SLC26A1: variants seen among roughly 807,000 people sequenced by gnomAD.
SLC26A1 encodes solute carrier family 26 member 1.
A neutral mutation model predicts 14.5 loss-of-function variants in SLC26A1; 18 were observed. The observed-to-expected ratio is 1.24, with a 90% CI of 0.86 to 1.84. The LOEUF is 1.84. Among genes scored for constraint, SLC26A1 ranks in the 40% most tolerant of loss-of-function variants. The pLI is 0.00. For missense variants in SLC26A1, 1,049 were observed against 1,020.0 expected (o/e 1.03, Z -0.39); for synonymous variants, 505 against 492.0 (o/e 1.03, Z -0.35).
At chr4:983,431 T>C (rs1243951480), downstream of SLC26A1, among the ~76,000 whole-genome samples, 1 of 152,260 alleles carries the variant, frequency 6.6e-6, no homozygotes, top group Non-Finnish European at 1.5e-5. Flanking sequence ...CTTGTTTGAC[T>C]GTATGTGGTC....
chr4:990,979 C>A, intron 2 of SLC26A1, 149 bp downstream of exon 2: 2 of 808,412 alleles, frequency 2.5e-6, no homozygotes, highest in Non-Finnish European at 3.7e-6. Context: ...GATGCCCCGG[C>A]ACGCCCCAGC....
In SLC26A1 at chr4:979,295, G is replaced by A; in HGVS notation, c.*111C>T. On this transcript the variant is annotated 3_prime_UTR_variant, in exon 3 of 3. Coordinates refer to the SLC26A1 transcript ENST00000398520. ...GTTGAGGGGCTGCCTTTTTTCCCCA[G>A]GTGCTGATCCAAGCCTCCCTCTGGA... 8.6e-6 allele frequency: 6 copies of A among 698,182 alleles called. No individual in the cohort carries two copies. The South Asian group carries it at 1.0e-4, about 12-fold the overall frequency. 43.2% of individuals were successfully genotyped at this position (698,182 alleles called of 1,614,324 possible). A position where few individuals can be genotyped will look rare whatever the true frequency, so the allele number is the denominator to read the frequency against.
rs1483597562 is a variant in SLC26A1 at position 990,338 on chromosome 4, C to T, written c.601G>A (p.Gly201Ser). 1 of 1,603,016 alleles carries T rather than the reference C, an allele frequency of 6.2e-7. No individual in the cohort carries two copies. The highest frequency in any genetic ancestry group is 8.5e-7 in the Non-Finnish European group (1 of 1,176,280). The change falls in exon 3 of 3, where the codon GGC becomes AGC. Residue 201 changes from glycine (G) to serine (S), a missense_variant. Coordinates refer to ENST00000398516, the MANE Select transcript of SLC26A1 (RefSeq NM_022042.4). Reference protein sequence around the residue: ...YQVLMGVLRLGFVSAYLSQPL... With the variant: ...YQVLMGVLRLSFVSAYLSQPL... ...TGTGAGAGGTAGGCGGACACGAAGC[C>T]CAGCCGGAGGACGCCCATGAGGACC...
intron 2 of SLC26A1, 183 bp downstream of exon 2, chr4:990,945 C>T (rs991235147): frequency 2.4e-5 from 15 of 618,088 alleles, no homozygotes; most frequent in Non-Finnish European, 2.7e-5. Context: ...TCCACAGCCT[C>T]TCCGCGTCGG....
chr4:990,595 C>G (rs1215189470), intron 2 of SLC26A1: 7 of 579,742 alleles, frequency 1.2e-5, no homozygotes, highest in Non-Finnish European at 2.2e-5. Flanking sequence ...GTGCACACAG[C>G]TGGCCATAGA....
chr4:986,878 C>A, downstream of SLC26A1: 1 of 659,020 alleles, frequency 1.5e-6, no homozygotes, highest in Non-Finnish European at 2.8e-6. Context: ...CCCTGAGGCC[C>A]GCAAGGAAGC....
rs763508634 is a variant in SLC26A1, at chr4:987,907, A to G, written c.*926T>C. 5.6e-6 allele frequency: 9 copies of G among 1,606,276 alleles called. No individual in the cohort carries two copies. In the South Asian group the frequency reaches 6.7e-5, roughly 12 times the overall value. On this transcript the variant is annotated 3_prime_UTR_variant, in exon 3 of 3. Transcript: ENST00000398516. ...GGCGCCGTCCCTCACCGCGGCATCA[A>G]GCAGGTCCGGACCCACTGGCTGCTG...
intron 1 of SLC26A1, chr4:991,993 C>A: frequency 1.4e-6 from 1 of 691,106 alleles, no homozygotes. Flanking sequence ...CTGAGGCCAG[C>A]AGTGCTGAGG....
At chr4:987,551 C>T, downstream of SLC26A1, 3 of 1,202,428 alleles carry the variant, frequency 2.5e-6, no homozygotes, top group Non-Finnish European at 3.4e-6. Flanking sequence ...TTCCTTCCAC[C>T]TAGAGCTGAG....
Position 988,802 on chromosome 4 carries a change from G to C in SLC26A1, c.*31C>G. Reference sequence around the variant, plus strand: ...ACGTCTGCTGTGGGTCCCCAGGAGGGAGCAGAGGCTGCTGGGCAGGCCTGG... The same window carrying C: ...ACGTCTGCTGTGGGTCCCCAGGAGGCAGCAGAGGCTGCTGGGCAGGCCTGG... On this transcript the variant is annotated 3_prime_UTR_variant, in exon 3 of 3. Coordinates refer to ENST00000398516, the MANE Select transcript of SLC26A1 (RefSeq NM_022042.4). 6.6e-7 allele frequency: 1 copy of C among 1,520,902 alleles called. No homozygotes were observed. Among genetic ancestry groups the C allele is most frequent in the Non-Finnish European group, 8.8e-7 (1 of 1,133,682 alleles). The allele number at this position is 1,520,902 out of a possible 1,614,324, so 94.2% of individuals were successfully genotyped here.
downstream of SLC26A1, chr4:987,268 C>A (rs1257223813): frequency 3.3e-6 from 5 of 1,511,934 alleles, no homozygotes; most frequent in Middle Eastern, 2.2e-4. Context: ...CCTCCGGGAC[C>A]CCCTGGCCGC....
At chr4:991,851 T>G in intron 1 of SLC26A1, 121 bp from the exon 2 acceptor site, 1 of 1,517,588 alleles carries the variant, frequency 6.6e-7, no homozygotes, top group Non-Finnish European at 8.8e-7. Flanking sequence ...CGGGGATTGG[T>G]GCTGGGCCTT....
Position 987,812 on chromosome 4 carries a change from C to A in SLC26A1, c.*1021G>T, listed in dbSNP as rs1378930636. On this transcript the variant is annotated 3_prime_UTR_variant, in exon 3 of 3. Transcript: ENST00000398516. ...GCCGCCCCTTTGTTGTCCCCAGCCC[C>A]CCGCTGCCACACAGCCAGGCTGACC... 2 of 1,612,298 alleles carry A rather than the reference C, an allele frequency of 1.2e-6. No individual in the cohort carries two copies. Among genetic ancestry groups the A allele is most frequent in the Non-Finnish European group, 1.7e-6 (2 of 1,179,870 alleles).
chr4:980,212 G>C (rs1457405706), intron 2 of SLC26A1, among the ~76,000 whole-genome samples: 2 of 152,316 alleles, frequency 1.3e-5, no homozygotes, highest in Admixed American at 1.3e-4. Context: ...GGCTTTGTGT[G>C]ACTGTGAGAA....
intron 2 of SLC26A1, 72 bp from the exon 3 acceptor site, chr4:990,434 G>A (rs1714196152): frequency 3.5e-6 from 5 of 1,411,062 alleles, no homozygotes; most frequent in Admixed American, 4.7e-5. Context: ...CACCTGGCAT[G>A]GCCCGAGGGG....
chr4:979,262 C>G, exon 3 of SLC26A1: 1 of 612,506 alleles, frequency 1.6e-6, no homozygotes, highest in African/African-American at 1.8e-5. Flanking sequence ...CCTCTGCAGG[C>G]TGGCCAGGTT....
At chr4:982,804 C>G (rs941703711), downstream of SLC26A1, among the ~76,000 whole-genome samples, 1 of 152,262 alleles carries the variant, frequency 6.6e-6, no homozygotes, top group Admixed American at 6.5e-5. Flanking sequence ...CCACACCTCA[C>G]TGAAATAAAC....
downstream of SLC26A1, chr4:987,130 T>C (rs1277306813): frequency 8.3e-6 from 12 of 1,438,082 alleles, no homozygotes; most frequent in Non-Finnish European, 1.1e-5. Context: ...GCTCCTGGCC[T>C]CGCTCCTGGC....
At chr4:990,736 A>G (rs1352755550) in intron 2 of SLC26A1, 7 of 389,830 alleles carry the variant, frequency 1.8e-5, no homozygotes, top group South Asian at 1.1e-4. Flanking sequence ...TGTGGAGCCA[A>G]CGGGGGCCAA....
Sources: gnomAD v4.1 joint callset for allele counts (sites outside exome capture counted in the v4.1 genomes callset) on GRCh38, gnomAD v4.1.1 for gene constraint, MANE v1.5 for transcripts, NCBI Gene and HGNC (gene_info 2026-07-23, HGNC 2026-07-21) for gene names.